FHIT: variants seen among roughly 807,000 people sequenced by gnomAD.
FHIT encodes the protein bis(5'-adenosyl)-triphosphatase.
A neutral mutation model predicts 17.9 loss-of-function variants in FHIT; 19 were observed. The observed-to-expected ratio is 1.06, with a 90% CI of 0.74 to 1.56. FHIT has a LOEUF of 1.56. Among genes scored for constraint, FHIT ranks in the 40% most tolerant of loss-of-function variants. The pLI, the probability that FHIT is intolerant of heterozygous loss-of-function variation, is 0.00. For synonymous variants in FHIT, 81 were observed against 69.7 expected (o/e 1.16, Z -0.81); for missense variants, 248 against 189.2 (o/e 1.31, Z -1.82).
chr3:60,123,336 T>G (rs1705344048), intron 5 of FHIT, among the ~76,000 whole-genome samples: 1 of 152,178 alleles, frequency 6.6e-6, no homozygotes, highest in African/African-American at 2.4e-5. Context: ...TAAACTTGAT[T>G]TAACATATGG....
At chr3:60,459,524 C>T (rs1210315689) in intron 5 of FHIT, among the ~76,000 whole-genome samples, 1 of 152,162 alleles carries the variant, frequency 6.6e-6, no homozygotes, top group South Asian at 2.1e-4. Context: ...ACCACAGATA[C>T]ATAGGTACAA....
intron 4 of FHIT, among the ~76,000 whole-genome samples, chr3:60,551,677 G>T (rs541581306): frequency 6.8e-6 from 1 of 146,476 alleles, no homozygotes; most frequent in African/African-American, 2.5e-5. Context: ...CGAAATGCCT[G>T]AGCCTGGGAA....
At chr3:60,444,173 T>A (rs1365579497) in intron 5 of FHIT, among the ~76,000 whole-genome samples, 1 of 152,090 alleles carries the variant, frequency 6.6e-6, no homozygotes, top group Admixed American at 6.6e-5. Flanking sequence ...AGAATGGTGA[T>A]CATTAAAAAG....
At chr3:60,445,830 CCT>C (rs1272915812) in intron 5 of FHIT, among the ~76,000 whole-genome samples, 1 of 151,954 alleles carries the variant, frequency 6.6e-6, no homozygotes, top group African/African-American at 2.4e-5. Context: ...AGCAAGACTC[CCT>C]GTTATCCCTC....
rs531161614 is a variant in FHIT, at chr3:60,307,523, T to A, written c.103+229337A>T. On this transcript the variant is annotated intron_variant, in intron 5 of 9. Coordinates refer to ENST00000492590, the MANE Select transcript of FHIT (RefSeq NM_002012.4). ...TCAAATAAAATCTTCAGTGTGTTGT[T>A]TGACAATGATATTTACTTTGAGTGT... Among the ~76,000 whole-genome samples, 55 of 152,290 alleles carry A rather than the reference T, an allele frequency of 3.6e-4. 1 individual carries two copies. The highest frequency in any genetic ancestry group is 3.1e-3 in the Admixed American group (47 of 15,288).
intron 1 of FHIT, among the ~76,000 whole-genome samples, chr3:61,219,887 C>T (rs1035783929): frequency 7.9e-5 from 12 of 152,138 alleles, no homozygotes; most frequent in African/African-American, 2.9e-4. Context: ...AATATAGAAA[C>T]CTGCTTTGAT....
At chr3:60,189,448 G>GT (rs1459479394) in intron 5 of FHIT, among the ~76,000 whole-genome samples, 1 of 152,034 alleles carries the variant, frequency 6.6e-6, no homozygotes, top group East Asian at 1.9e-4. Flanking sequence ...CAGGCTTTTA[G>GT]TTTCATACTT....
chr3:60,977,819 C>T (rs1469033396), intron 3 of FHIT, among the ~76,000 whole-genome samples: 4 of 151,776 alleles, frequency 2.6e-5, no homozygotes, highest in Non-Finnish European at 2.9e-5. Context: ...TGCAGTGAGC[C>T]GAGATCTCGC....
At chr3:59,950,823 C>T (rs1367168735) in intron 7 of FHIT, among the ~76,000 whole-genome samples, 4 of 152,280 alleles carry the variant, frequency 2.6e-5, no homozygotes, top group Non-Finnish European at 5.9e-5. Context: ...AGCCATCATC[C>T]TTATGCTGAG....
rs1702528229 is a variant in FHIT at position 60,066,720 on chromosome 3, G to A, written c.104-52568C>T. Among the ~76,000 whole-genome samples, 3 of 126,808 alleles carry A rather than the reference G, an allele frequency of 2.4e-5. No individual in the cohort carries two copies. In the South Asian group the frequency reaches 7.6e-4, roughly 32 times the overall value. The allele number at this position is 126,808 out of a possible 152,430, so 83.2% of individuals were successfully genotyped here. On this transcript the variant is annotated intron_variant, in intron 5 of 9. Transcript: ENST00000492590. ...CACCCAGGCTGGAGTGCAGAGGCAC[G>A]ATCTCGGCTCACTGCAAGCTCCGCC...
intron 2 of FHIT, among the ~76,000 whole-genome samples, chr3:61,197,821 T>C (rs1217252598): frequency 2.0e-5 from 3 of 151,962 alleles, no homozygotes; most frequent in Non-Finnish European, 2.9e-5. Context: ...GCCCCAGAAA[T>C]TGGGAGGGAT....
intron 5 of FHIT, among the ~76,000 whole-genome samples, chr3:60,434,011 C>T (rs1309533500): frequency 6.6e-6 from 1 of 152,062 alleles, no homozygotes; most frequent in Non-Finnish European, 1.5e-5. Flanking sequence ...GAGATTTCCC[C>T]ATTTCCTTCT....
chr3:60,567,993 C>CT (rs1197427624), intron 4 of FHIT, among the ~76,000 whole-genome samples: 1 of 152,090 alleles, frequency 6.6e-6, no homozygotes, highest in African/African-American at 2.4e-5. Flanking sequence ...AATAGGAACA[C>CT]TTTACAGTGT....
chr3:60,512,266 T>C (rs1212741875), intron 5 of FHIT, among the ~76,000 whole-genome samples: 1 of 152,194 alleles, frequency 6.6e-6, no homozygotes, highest in Non-Finnish European at 1.5e-5. Context: ...TCTATTTAAT[T>C]GGCACTTTCT....
rs1700761461 is a variant in FHIT, at chr3:59,749,402, G to A, written c.*183C>T. 1 of 231,644 alleles carries A rather than the reference G, an allele frequency of 4.3e-6. No homozygotes were observed. Among genetic ancestry groups the A allele is most frequent in the Non-Finnish European group, 8.5e-6 (1 of 117,090 alleles). The allele number at this position is 231,644 out of a possible 1,614,324, so 14.3% of individuals were successfully genotyped here. On this transcript the variant is annotated 3_prime_UTR_variant, in exon 10 of 10. Transcript: ENST00000492590. ...GCCTGTCTGAGCCGTTTAGGTCTAG[G>A]TATTTTAAGGGAGTTGGAGTGACCG...
rs554436037 is a variant in FHIT at position 60,743,482 on chromosome 3, T to C, written c.-18+78437A>G. On this transcript the variant is annotated intron_variant, in intron 4 of 9. Coordinates refer to ENST00000492590, the MANE Select transcript of FHIT (RefSeq NM_002012.4). ...GGAAGCTTATGGTCTAGTTCAGAGG[T>C]AGGAAAAATGTGTTTTGTTTGGCCT... Among the ~76,000 whole-genome samples the C allele has an allele frequency of 1.2e-4, 19 of 152,238 alleles. No individual in the cohort carries two copies. The East Asian group carries it at 3.5e-3, about 28-fold the overall frequency.
At chr3:59,980,972 T>G (rs1467944472) in intron 7 of FHIT, among the ~76,000 whole-genome samples, 1 of 152,158 alleles carries the variant, frequency 6.6e-6, no homozygotes, top group Non-Finnish European at 1.5e-5. Flanking sequence ...ATAACATTAG[T>G]TTCTCTTGAC....
intron 5 of FHIT, among the ~76,000 whole-genome samples, chr3:60,368,655 CAGA>C (rs1700204525): frequency 6.6e-6 from 1 of 151,942 alleles, no homozygotes; most frequent in Admixed American, 6.6e-5. Flanking sequence ...TTTTGATAAT[CAGA>C]AGGTTTTTAT....
At chr3:59,799,524 C>T (rs920550632) in intron 8 of FHIT, among the ~76,000 whole-genome samples, 10 of 152,136 alleles carry the variant, frequency 6.6e-5, no homozygotes, top group East Asian at 1.9e-4. Context: ...GAAACAGCAA[C>T]GTGTCTGGAA....
Sources: allele counts gnomAD v4.1 joint callset (sites outside exome capture counted in the v4.1 genomes callset), GRCh38; gene constraint gnomAD v4.1.1; transcripts MANE v1.5; gene names NCBI Gene and HGNC (gene_info 2026-07-23, HGNC 2026-07-21).